The following IFI27 variants were observed in gnomAD, a reference collection of about 807,000 sequenced individuals.
IFI27 encodes the protein interferon alpha inducible protein 27.
In IFI27, 3 loss-of-function variants were observed where a neutral mutation model predicts 8.9. That is an observed-to-expected ratio of 0.34 (90% CI 0.15 to 0.87). The LOEUF is 0.87. Ranked by LOEUF, IFI27 falls within the 40% of genes least tolerant of loss-of-function variation. IFI27 has a pLI of 0.51. For synonymous variants in IFI27, 66 were observed against 67.3 expected, an observed-to-expected ratio of 0.98 and a Z score of 0.09; for missense variants, 152 against 157.7, an observed-to-expected ratio of 0.96 and a Z score of 0.19.
chr14:94,114,511 G>A (rs141749874), intron 2 of IFI27: 217 of 350,650 alleles, frequency 6.2e-4, no homozygotes, highest in Non-Finnish European at 9.3e-4. Context: ...ATGAGGTTTT[G>A]TTCATTTTCA....
upstream of IFI27, among the ~76,000 whole-genome samples, chr14:94,107,192 C>T (rs1318581656): frequency 6.6e-6 from 1 of 152,114 alleles, no homozygotes; most frequent in East Asian, 1.9e-4. Flanking sequence ...GCTTCAGCCT[C>T]CCAAGTAGCT....
In IFI27 at chr14:94,116,372, C is replaced by A; in HGVS notation, c.284-70C>A. 9.2e-7 allele frequency: 1 copy of A among 1,091,080 alleles called. No homozygotes were observed. The highest frequency in any genetic ancestry group is 1.4e-6 in the Non-Finnish European group (1 of 722,284). 67.6% of individuals were successfully genotyped at this position (1,091,080 alleles called of 1,614,324 possible). On this transcript the variant is annotated intron_variant, in intron 4 of 4. Transcript: ENST00000621160. This position sits in a 1 kb window ranked among gnomAD's most constrained non-coding sequence, Gnocchi z 4.3. ...GCTGAGGGTCACTGGAGTCTCTGAC[C>A]CCACAGTCCTGCCCACAGAGCTTCC...
At chr14:94,113,336 T>C (rs888532486) in intron 2 of IFI27, 6 of 152,192 alleles carry the variant, frequency 3.9e-5, no homozygotes, top group African/African-American at 1.4e-4. Context: ...ACCCTGTCTC[T>C]ACCAAAAATA....
rs1353579255 is a variant in IFI27, at chr14:94,116,253, T to C, written c.284-189T>C. The C allele has an allele frequency of 4.7e-6, 3 of 645,088 alleles. No individual in the cohort carries two copies. The highest frequency in any genetic ancestry group is 8.4e-6 in the Non-Finnish European group (3 of 358,702). 40.0% of individuals were successfully genotyped at this position (645,088 alleles called of 1,614,324 possible). Reference sequence around the variant, plus strand: ...CTAGCTCTGGAGTTCACCATGGGGGTTCATGCCTGCAGCAGCCTCTCCCCA... The same window carrying C: ...CTAGCTCTGGAGTTCACCATGGGGGCTCATGCCTGCAGCAGCCTCTCCCCA... On this transcript the variant is annotated intron_variant, in intron 4 of 4. Transcript: ENST00000621160. The surrounding 1 kb of genome is among the most constrained non-coding windows in gnomAD (Gnocchi z 4.3).
Position 94,111,919 on chromosome 14 carries a change from C to T in IFI27, c.91+146C>T, listed in dbSNP as rs1887207227. On this transcript the variant is annotated intron_variant, in intron 2 of 4. Transcript: ENST00000621160. This position sits in a 1 kb window ranked among gnomAD's most constrained non-coding sequence, Gnocchi z 4.3. ...CTGTCTTCTCACAGCAGGCGTCCACCCTAACTTTCCATCTGGGAGGGGGCC... is the reference window on the plus strand; with the variant it reads ...CTGTCTTCTCACAGCAGGCGTCCACTCTAACTTTCCATCTGGGAGGGGGCC... The T allele has an allele frequency of 1.4e-6, 1 of 701,362 alleles. No homozygotes were observed. The highest frequency in any genetic ancestry group is 1.7e-5 in the African/African-American group (1 of 57,266). The allele number at this position is 701,362 out of a possible 1,614,324, so 43.4% of individuals were successfully genotyped here. A position where few individuals can be genotyped will look rare whatever the true frequency, so the allele number is the denominator to read the frequency against.
intron 2 of IFI27, chr14:94,114,611 G>C: frequency 1.3e-5 from 7 of 559,348 alleles, no homozygotes; most frequent in Non-Finnish European, 9.6e-6. Flanking sequence ...CAATCAACTA[G>C]GTCAGGGCCA....
intron 2 of IFI27, among the ~76,000 whole-genome samples, chr14:94,112,452 A>T (rs1887228550): frequency 6.6e-6 from 1 of 152,196 alleles, no homozygotes; most frequent in Non-Finnish European, 1.5e-5. Flanking sequence ...GAGATCCATC[A>T]GTGTCATTCG....
rs1021894265 is a variant in IFI27, at chr14:94,116,254, T to G, written c.284-188T>G. 6.2e-6 allele frequency: 4 copies of G among 646,138 alleles called. No individual in the cohort carries two copies. Among genetic ancestry groups the G allele is most frequent in the Non-Finnish European group, 8.4e-6 (3 of 359,150 alleles). The allele number at this position is 646,138 out of a possible 1,614,324, so 40.0% of individuals were successfully genotyped here. ...TAGCTCTGGAGTTCACCATGGGGGT[T>G]CATGCCTGCAGCAGCCTCTCCCCAA... On this transcript the variant is annotated intron_variant, in intron 4 of 4. Coordinates refer to ENST00000621160, the Ensembl canonical transcript of IFI27. This position sits in a 1 kb window ranked among gnomAD's most constrained non-coding sequence, Gnocchi z 4.3.
chr14:94,112,132 T>C (rs904435531), intron 2 of IFI27: 9 of 298,610 alleles, frequency 3.0e-5, no homozygotes, highest in Admixed American at 4.5e-5. Flanking sequence ...ACCTTGTCAA[T>C]AGGGCCCCGT....
In IFI27 at chr14:94,111,866, G is replaced by T; in HGVS notation, c.91+93G>T. ...CCGGGACCCGTGGGAGAGAAAATGG[G>T]GGACACCCGCAGCCTTGCTGCCCTG... On this transcript the variant is annotated intron_variant, in intron 2 of 4. Transcript: ENST00000621160. This position sits in a 1 kb window ranked among gnomAD's most constrained non-coding sequence, Gnocchi z 4.3. 1.0e-6 allele frequency: 1 copy of T among 969,174 alleles called. No individual in the cohort carries two copies. Among genetic ancestry groups the T allele is most frequent in the Non-Finnish European group, 1.7e-6 (1 of 598,850 alleles). The allele number at this position is 969,174 out of a possible 1,614,324, so 60.0% of individuals were successfully genotyped here.
At chr14:94,110,392 T>G (rs1384570095), upstream of IFI27, among the ~76,000 whole-genome samples, 1 of 152,238 alleles carries the variant, frequency 6.6e-6, no homozygotes, top group Non-Finnish European at 1.5e-5. Flanking sequence ...TCGCAAGGAC[T>G]ACTATTATTC....
chr14:94,109,851 C>CT (rs1887102891), upstream of IFI27, among the ~76,000 whole-genome samples: 1 of 152,236 alleles, frequency 6.6e-6, no homozygotes, highest in Non-Finnish European at 1.5e-5. Flanking sequence ...GGACCTGGTG[C>CT]TTTCTCTTCC....
At chr14:94,106,270 G>A (rs548123742), upstream of IFI27, among the ~76,000 whole-genome samples, 46 of 152,310 alleles carry the variant, frequency 3.0e-4, no homozygotes, top group Middle Eastern at 3.4e-3. Context: ...TGATTTTAAC[G>A]AATTTGGCGG....
intron 3 of IFI27, among the ~76,000 whole-genome samples, 200 bp downstream of exon 3, chr14:94,115,080 T>C (rs1887339442): frequency 6.6e-6 from 1 of 152,116 alleles, no homozygotes; most frequent in Non-Finnish European, 1.5e-5. Flanking sequence ...GACTGGGAGC[T>C]GGAGTGCGTG....
intron 2 of IFI27, chr14:94,114,348 G>A (rs541676427): frequency 2.9e-4 from 46 of 158,054 alleles, no homozygotes; most frequent in Non-Finnish European, 5.5e-4. Flanking sequence ...ACCCTGCTTC[G>A]GATGAGCTAA....
chr14:94,115,537 G>T (rs1369115512), intron 3 of IFI27: 4 of 608,666 alleles, frequency 6.6e-6, no homozygotes, highest in African/African-American at 1.9e-5. Flanking sequence ...CCCAAGGAAG[G>T]TCCTGCTGCC....
At chr14:94,115,836 G>A (rs573348277) in exon 4 of IFI27, 27 of 1,603,056 alleles carry the variant, frequency 1.7e-5, no homozygotes, top group Admixed American at 5.1e-5. Flanking sequence ...TCACTGCGGC[G>A]GGAATCGCCT....
chr14:94,107,168 C>T (rs145243615), upstream of IFI27, among the ~76,000 whole-genome samples: 5,224 of 152,208 alleles, frequency 0.034, 124 homozygotes, highest in Middle Eastern at 0.075. Flanking sequence ...CTCCCGGGTT[C>T]AAGCAATTCT....
Position 94,111,797 on chromosome 14 carries a change from G to T in IFI27, c.91+24G>T. On this transcript the variant is annotated intron_variant, in intron 2 of 4. Coordinates refer to ENST00000621160, the Ensembl canonical transcript of IFI27. The surrounding 1 kb of genome is among the most constrained non-coding windows in gnomAD (Gnocchi z 4.3). ...GGGTGAGTGTTCCTGGGAGGGGCTGGTGCTGGGGGCGAGGAGGCGGCTGGG... is the reference window on the plus strand; with the variant it reads ...GGGTGAGTGTTCCTGGGAGGGGCTGTTGCTGGGGGCGAGGAGGCGGCTGGG... 6.3e-7 allele frequency: 1 copy of T among 1,585,298 alleles called. No individual in the cohort carries two copies. Among genetic ancestry groups the T allele is most frequent in the Admixed American group, 1.7e-5 (1 of 59,988 alleles).
Sources: gnomAD v4.1 joint callset for allele counts (sites outside exome capture counted in the v4.1 genomes callset) on GRCh38, gnomAD v4.1.1 for gene constraint, Gnocchi (gnomAD v3.1) non-coding constraint, MANE v1.5 for transcripts, NCBI Gene and HGNC (gene_info 2026-07-23, HGNC 2026-07-21) for gene names.